The following AK5 variants were observed in gnomAD, a reference collection of about 807,000 sequenced individuals.
AK5 encodes the protein adenylate kinase isoenzyme 5.
In AK5, 27 loss-of-function variants were observed where a neutral mutation model predicts 69.5. The observed-to-expected ratio is 0.39, with a 90% confidence interval of 0.29 to 0.54. AK5 has a LOEUF of 0.54. Among genes scored for constraint, AK5 ranks in the 20% least tolerant of loss-of-function variants. The pLI is 0.71. For missense variants in AK5, 531 were observed against 700.4 expected (o/e 0.76, Z 2.73); for synonymous variants, 260 against 244.4 (o/e 1.06, Z -0.60).
At chr1:77,495,608 A>C (rs1489442784) in intron 10 of AK5, among the ~76,000 whole-genome samples, 2 of 152,210 alleles carry the variant, frequency 1.3e-5, no homozygotes, top group Non-Finnish European at 2.9e-5. Context: ...CTTTTACCGT[A>C]AAGAAATAGC....
intron 5 of AK5, among the ~76,000 whole-genome samples, chr1:77,318,523 T>C (rs1311615562): frequency 6.6e-6 from 1 of 152,126 alleles, no homozygotes; most frequent in African/African-American, 2.4e-5. Context: ...AGAAATTCCT[T>C]AGACTATGAG....
At chr1:77,536,903 A>G (rs997184109) in intron 13 of AK5, among the ~76,000 whole-genome samples, 1 of 152,204 alleles carries the variant, frequency 6.6e-6, no homozygotes, top group Non-Finnish European at 1.5e-5. Context: ...GTATCAACCT[A>G]GTGATCATGA....
intron 10 of AK5, among the ~76,000 whole-genome samples, chr1:77,504,731 C>T (rs1656930868): frequency 1.3e-5 from 2 of 152,166 alleles, no homozygotes; most frequent in South Asian, 2.1e-4. Flanking sequence ...TGTGTCTCCT[C>T]CTCATCACTA....
rs200517175 is a variant in AK5, at chr1:77,533,947, CT to C, written c.1429-1889del. On this transcript the variant is annotated intron_variant, in intron 12 of 13. Coordinates refer to ENST00000354567, the MANE Select transcript of AK5 (RefSeq NM_174858.3). Reference sequence around the variant, plus strand: ...CAGCCTTTCTTGCTGCACAAATGCTCTTTTTTTTTTTCCTTCCAATTAATAC... The same window carrying C: ...CAGCCTTTCTTGCTGCACAAATGCTCTTTTTTTTTTCCTTCCAATTAATAC... Among the ~76,000 whole-genome samples the C allele has an allele frequency of 9.1e-3, 1,341 of 147,848 alleles. 9 individuals are homozygous for C. Among genetic ancestry groups the C allele is most frequent in the Middle Eastern group, 0.053 (15 of 284 alleles).
intron 6 of AK5, among the ~76,000 whole-genome samples, chr1:77,367,854 A>ATT (rs1647019665): frequency 2.3e-3 from 5 of 2,214 alleles, no homozygotes; most frequent in Non-Finnish European, 3.1e-3. Flanking sequence ...TATTATATAT[A>ATT]ATATATAATA....
intron 1 of AK5, chr1:77,283,319 C>G: frequency 7.1e-6 from 7 of 985,378 alleles, no homozygotes; most frequent in Non-Finnish European, 8.4e-6. Flanking sequence ...AGAATAGAAG[C>G]AAGCCAGGCT....
At chr1:77,390,801 A>G (rs1031991647) in intron 6 of AK5, among the ~76,000 whole-genome samples, 1 of 152,198 alleles carries the variant, frequency 6.6e-6, no homozygotes, top group African/African-American at 2.4e-5. Flanking sequence ...ATGTTTAAAG[A>G]TGAAGGAGCT....
At chr1:77,473,506 C>A (rs1373193380) in intron 8 of AK5, among the ~76,000 whole-genome samples, 1 of 152,220 alleles carries the variant, frequency 6.6e-6, no homozygotes, top group African/African-American at 2.4e-5. Flanking sequence ...CAAATCTACA[C>A]TTCCAGGATT....
intron 6 of AK5, among the ~76,000 whole-genome samples, chr1:77,384,205 T>A (rs1422060415): frequency 6.6e-6 from 1 of 152,130 alleles, no homozygotes; most frequent in African/African-American, 2.4e-5. Context: ...ACTTAAATTA[T>A]CAAAAATAAA....
intron 8 of AK5, among the ~76,000 whole-genome samples, chr1:77,437,434 A>G (rs926117647): frequency 1.3e-5 from 2 of 152,128 alleles, no homozygotes; most frequent in African/African-American, 4.8e-5. Flanking sequence ...TTATAAAAGG[A>G]CAGTTGAATC....
At chr1:77,484,346 G>A (rs78021751) in intron 9 of AK5, among the ~76,000 whole-genome samples, 1,562 of 152,266 alleles carry the variant, frequency 0.01, 34 homozygotes, top group East Asian at 0.079. Flanking sequence ...ATAAGTCATG[G>A]AAATATGTTT....
At chr1:77,295,199 C>T (rs1658922077) in intron 3 of AK5, among the ~76,000 whole-genome samples, 15 of 152,028 alleles carry the variant, frequency 9.9e-5, no homozygotes. Flanking sequence ...CTGTTCTAGC[C>T]AGTTGCATTA....
intron 6 of AK5, among the ~76,000 whole-genome samples, chr1:77,373,135 G>C (rs72641178): frequency 0.24 from 36,801 of 151,958 alleles, 4,764 homozygotes; most frequent in East Asian, 0.39. Flanking sequence ...GAATAAGCTT[G>C]TAACCGTTTA....
chr1:77,319,358 G>T (rs1660405941), intron 5 of AK5, among the ~76,000 whole-genome samples: 1 of 152,202 alleles, frequency 6.6e-6, no homozygotes. Context: ...ATTGGGGAGA[G>T]AATGGTAGAG....
chr1:77,490,627 C>T (rs1412542033), intron 10 of AK5, among the ~76,000 whole-genome samples: 1 of 152,136 alleles, frequency 6.6e-6, no homozygotes, highest in Non-Finnish European at 1.5e-5. Flanking sequence ...GATATAAGAA[C>T]CTGCACTGAT....
rs777417358 is a variant in AK5 at position 77,558,619 on chromosome 1, A to G, written c.1638A>G (p.Thr546=). The G allele has an allele frequency of 6.3e-7, 1 of 1,599,108 alleles. No individual in the cohort carries two copies. The highest frequency in any genetic ancestry group is 1.1e-5 in the South Asian group (1 of 90,650). ...TQLHKINAEG[T]PEDVFLQLCT... Reference sequence around the variant, plus strand: ...AAATATAGATAAATGCAGAGGGAACACCAGAGGACGTTTTTCTTCAACTCT... The same window carrying G: ...AAATATAGATAAATGCAGAGGGAACGCCAGAGGACGTTTTTCTTCAACTCT... The change falls in exon 14 of 14, where the codon ACA becomes ACG. Residue 546 remains threonine, a synonymous_variant. Transcript: ENST00000354567.
intron 5 of AK5, among the ~76,000 whole-genome samples, chr1:77,328,271 T>C (rs1660907312): frequency 6.6e-6 from 1 of 152,108 alleles, no homozygotes. Flanking sequence ...GATGCTGAGG[T>C]GGGCAGATCA....
At chr1:77,433,891 T>C (rs1168098064) in intron 8 of AK5, among the ~76,000 whole-genome samples, 1 of 151,730 alleles carries the variant, frequency 6.6e-6, no homozygotes, top group Non-Finnish European at 1.5e-5. Flanking sequence ...TGAAAATTTT[T>C]ATTTAGTACA....
chr1:77,300,810 T>G (rs1325222486), intron 5 of AK5, among the ~76,000 whole-genome samples: 1 of 152,172 alleles, frequency 6.6e-6, no homozygotes, highest in Non-Finnish European at 1.5e-5. Context: ...CATAACACTC[T>G]CCACAGGTTG....
Sources: gnomAD v4.1 joint callset for allele counts (sites outside exome capture counted in the v4.1 genomes callset) on GRCh38, gnomAD v4.1.1 for gene constraint, MANE v1.5 for transcripts, NCBI Gene and HGNC (gene_info 2026-07-23, HGNC 2026-07-21) for gene names.